SKAP1: variants seen among roughly 807,000 people sequenced by gnomAD.
The protein encoded by SKAP1 is src kinase associated phosphoprotein 1, also known as src kinase-associated phosphoprotein 1.
SKAP1 carries 44 observed loss-of-function variants against 58.5 expected under a neutral mutation model. The ratio of observed to expected loss-of-function variants is 0.75; its 90% CI spans 0.59 to 0.97. The LOEUF (loss-of-function observed/expected upper bound fraction) is 0.97, where lower values mean the gene tolerates loss of function less well. Ranked by LOEUF, SKAP1 falls within the 50% of genes least tolerant of loss-of-function variation. SKAP1 has a pLI of 0.00. For synonymous variants in SKAP1, 127 were observed against 149.7 expected, an observed-to-expected ratio of 0.85 and a Z score of 1.11; for missense variants, 390 against 435.2, an observed-to-expected ratio of 0.90 and a Z score of 0.92.
intron 1 of SKAP1, among the ~76,000 whole-genome samples, chr17:48,401,229 C>A (rs760970126): frequency 6.6e-6 from 1 of 151,886 alleles, no homozygotes; most frequent in Non-Finnish European, 1.5e-5. Context: ...TTGTTTGAAC[C>A]TGGGAGGCCG....
At chr17:48,289,216 T>A (rs2065870719) in intron 4 of SKAP1, among the ~76,000 whole-genome samples, 1 of 152,152 alleles carries the variant, frequency 6.6e-6, no homozygotes. Flanking sequence ...TTTTCAAGAC[T>A]CTTTTTCCTA....
At chr17:48,218,399 C>T (rs2064965358) in intron 4 of SKAP1, among the ~76,000 whole-genome samples, 2 of 152,142 alleles carry the variant, frequency 1.3e-5, no homozygotes, top group African/African-American at 4.8e-5. Context: ...ATCAATATTC[C>T]CAACAGCATT....
intron 2 of SKAP1, among the ~76,000 whole-genome samples, chr17:48,391,572 CA>C (rs1567895830): frequency 2.0e-5 from 3 of 152,078 alleles, no homozygotes. Flanking sequence ...GAGAACTAAG[CA>C]AAAATTTGAC....
chr17:48,413,523 A>AAAAAATATATATATATAT, intron 1 of SKAP1, among the ~76,000 whole-genome samples: 4 of 105,450 alleles, frequency 3.8e-5, no homozygotes, highest in African/African-American at 1.3e-4. Context: ...TCAAAAAAAA[A>AAAAAATATATATATATAT]ATATATATAT....
chr17:48,249,624 T>C (rs942652551), intron 4 of SKAP1, among the ~76,000 whole-genome samples: 2 of 151,714 alleles, frequency 1.3e-5, no homozygotes, highest in Non-Finnish European at 2.9e-5. Flanking sequence ...CTGTGAACCA[T>C]GATCATGCCT....
At chr17:48,355,239 TG>T (rs898479165) in intron 3 of SKAP1, among the ~76,000 whole-genome samples, 11 of 152,224 alleles carry the variant, frequency 7.2e-5, no homozygotes, top group Non-Finnish European at 1.5e-4. Context: ...TCAGTCACCA[TG>T]AGTATTATAC....
chr17:48,251,997 A>T (rs972517275), intron 4 of SKAP1, among the ~76,000 whole-genome samples: 1 of 152,192 alleles, frequency 6.6e-6, no homozygotes, highest in Non-Finnish European at 1.5e-5. Context: ...TGTATTAAGT[A>T]TTCATTTAAC....
chr17:48,435,413 G>A, the SKAP1 span, among the ~76,000 whole-genome samples: 1 of 152,174 alleles, frequency 6.6e-6, no homozygotes, highest in South Asian at 2.1e-4. Context: ...ATCAGCTGTA[G>A]CCAGATGAGC....
At chr17:48,341,914 T>G (rs1007954132) in intron 4 of SKAP1, among the ~76,000 whole-genome samples, 2 of 152,234 alleles carry the variant, frequency 1.3e-5, no homozygotes, top group African/African-American at 2.4e-5. Context: ...TTAGGTTTCT[T>G]CTAAAATAAT....
intron 4 of SKAP1, among the ~76,000 whole-genome samples, chr17:48,322,858 G>C (rs2066386934): frequency 6.6e-6 from 1 of 152,244 alleles, no homozygotes; most frequent in Non-Finnish European, 1.5e-5. Flanking sequence ...CACGTTGGGA[G>C]GCCAAGGCGA....
intron 4 of SKAP1, among the ~76,000 whole-genome samples, chr17:48,282,721 C>T (rs1271225612): frequency 6.6e-6 from 1 of 151,948 alleles, no homozygotes; most frequent in East Asian, 1.9e-4. Flanking sequence ...TTGCAGTGAG[C>T]CAAGGTCGTC....
intron 1 of SKAP1, among the ~76,000 whole-genome samples, chr17:48,424,367 A>G (rs1434688554): frequency 1.3e-5 from 2 of 151,390 alleles, no homozygotes; most frequent in African/African-American, 4.9e-5. Flanking sequence ...CTGGGACTAC[A>G]GGCGCCCGCC....
At chr17:48,306,155 G>T (rs2066139150) in intron 4 of SKAP1, among the ~76,000 whole-genome samples, 1 of 152,156 alleles carries the variant, frequency 6.6e-6, no homozygotes, top group South Asian at 2.1e-4. Flanking sequence ...AAAACCTTCA[G>T]AAACAAATAA....
At chr17:48,163,533 G>C (rs2064097448) in intron 10 of SKAP1, among the ~76,000 whole-genome samples, 1 of 152,166 alleles carries the variant, frequency 6.6e-6, no homozygotes, top group African/African-American at 2.4e-5. Flanking sequence ...CTTTTTCCTT[G>C]GGGTGCTCTG....
At chr17:48,388,016 T>C (rs748973500) in intron 2 of SKAP1, among the ~76,000 whole-genome samples, 5 of 152,230 alleles carry the variant, frequency 3.3e-5, no homozygotes, top group Admixed American at 2.0e-4. Flanking sequence ...AGATTATTCC[T>C]AGAAAATTAT....
At chr17:48,134,551 C>T (rs547495158) in intron 12 of SKAP1, among the ~76,000 whole-genome samples, 14 of 151,822 alleles carry the variant, frequency 9.2e-5, no homozygotes, top group Non-Finnish European at 1.9e-4. Flanking sequence ...CTCCTGACCT[C>T]GTTATCTGCT....
intron 1 of SKAP1, among the ~76,000 whole-genome samples, chr17:48,405,034 G>T (rs2067552264): frequency 3.9e-5 from 6 of 152,198 alleles, no homozygotes; most frequent in Non-Finnish European, 5.9e-5. Context: ...CCTGTTATGT[G>T]CTAAGTAACG....
intron 10 of SKAP1, among the ~76,000 whole-genome samples, chr17:48,163,270 C>G (rs532957756): frequency 1.3e-5 from 2 of 152,214 alleles, no homozygotes; most frequent in East Asian, 3.9e-4. Flanking sequence ...GGAACAGAAA[C>G]CAAAGTGATC....
chr17:48,338,189 A>G (rs9747133), intron 4 of SKAP1, among the ~76,000 whole-genome samples: 50,173 of 148,822 alleles, frequency 0.34, 9,056 homozygotes, highest in African/African-American at 0.47. Context: ...CACTCTTGTC[A>G]CCCAGGCTGG....
Sources: gnomAD v4.1 joint callset for allele counts (sites outside exome capture counted in the v4.1 genomes callset) on GRCh38, gnomAD v4.1.1 for gene constraint, MANE v1.5 for transcripts, NCBI Gene and HGNC (gene_info 2026-07-23, HGNC 2026-07-21) for gene names.